The following ANP32B variants were observed in gnomAD, a reference collection of about 807,000 sequenced individuals.
The protein encoded by ANP32B is acidic nuclear phosphoprotein 32 family member B, also known as acidic leucine-rich nuclear phosphoprotein 32 family member B.
A neutral mutation model predicts 32.2 loss-of-function variants in ANP32B; 6 were observed. That is an observed-to-expected ratio of 0.19 (90% CI 0.10 to 0.37). The LOEUF is 0.37. ANP32B is among the 10% of genes least tolerant of loss of function. ANP32B has a pLI of 1.00. For missense variants in ANP32B, 204 were observed against 289.2 expected, an observed-to-expected ratio of 0.71 and a Z score of 2.14; for synonymous variants, 98 against 105.8, an observed-to-expected ratio of 0.93 and a Z score of 0.45.
At chr9:97,993,551 A>G (rs1827861530) in intron 1 of ANP32B, among the ~76,000 whole-genome samples, 1 of 152,248 alleles carries the variant, frequency 6.6e-6, no homozygotes, top group Non-Finnish European at 1.5e-5. Flanking sequence ...CAGGATGATC[A>G]TAGAGCAAGA....
chr9:98,011,219 C>A lies in ANP32B; in HGVS notation c.518-52C>A, dbSNP rs117725418. The stretch of plus-strand genomic sequence containing the variant: ...AGCCCACAGATCCTCAACACTTTGT[C>A]CCCTGTGGAGCGTCGAGGATATTTA... On this transcript the variant is annotated intron_variant, in intron 4 of 6. Transcript: ENST00000339399. 12,706 of 1,532,594 alleles carry A rather than the reference C, an allele frequency of 8.3e-3. 82 individuals carry two copies. Among genetic ancestry groups the A allele is most frequent in the Middle Eastern group, 0.018 (108 of 5,880 alleles). The allele number at this position is 1,532,594 out of a possible 1,614,324, so 94.9% of individuals were successfully genotyped here.
intron 1 of ANP32B, among the ~76,000 whole-genome samples, chr9:97,984,090 G>A (rs1271954798): frequency 6.7e-6 from 1 of 149,800 alleles, no homozygotes; most frequent in African/African-American, 2.4e-5. Context: ...CGGGACGGGG[G>A]CTCTTGTGGC....
chr9:97,985,275 C>G (rs886585691), intron 1 of ANP32B, among the ~76,000 whole-genome samples: 1 of 152,128 alleles, frequency 6.6e-6, no homozygotes, highest in Non-Finnish European at 1.5e-5. Flanking sequence ...ACCTGGTGTG[C>G]TCGACATTTT....
chr9:98,003,985 C>G (rs768008330), intron 3 of ANP32B, among the ~76,000 whole-genome samples: 2 of 152,220 alleles, frequency 1.3e-5, no homozygotes, highest in African/African-American at 2.4e-5. Flanking sequence ...GCTGTCACTT[C>G]CTGTTGCTGT....
At chr9:98,002,905 G>T (rs1828017088) in intron 3 of ANP32B, among the ~76,000 whole-genome samples, 1 of 152,206 alleles carries the variant, frequency 6.6e-6, no homozygotes, top group Non-Finnish European at 1.5e-5. Context: ...TTTAAGTGGA[G>T]AATTTTTAGA....
In ANP32B at chr9:98,010,284, T is replaced by G. The variant is rs1356103578; in HGVS notation, c.518-987T>G. On this transcript the variant is annotated intron_variant, in intron 4 of 6. Transcript: ENST00000339399. Reference sequence around the variant, plus strand: ...GGTGTTTTTTTTTTTTTGTTTTTTTTTTTTAAATCATAAATAGGCTAGGTA... The same window carrying G: ...GGTGTTTTTTTTTTTTTGTTTTTTTGTTTTAAATCATAAATAGGCTAGGTA... Among the ~76,000 whole-genome samples the G allele has an allele frequency of 4.0e-5, 6 of 151,624 alleles. No homozygotes were observed. The South Asian group carries it at 6.2e-4, about 16-fold the overall frequency.
intron 3 of ANP32B, among the ~76,000 whole-genome samples, chr9:98,003,634 GAAAAT>G (rs1828030582): frequency 6.6e-6 from 1 of 152,148 alleles, no homozygotes. Flanking sequence ...CTTGAGTTCT[GAAAAT>G]AAGGTTTTGT....
intron 2 of ANP32B, among the ~76,000 whole-genome samples, chr9:97,996,055 G>A (rs1827900533): frequency 6.6e-6 from 1 of 151,972 alleles, no homozygotes; most frequent in Non-Finnish European, 1.5e-5. Context: ...TGAGTTTCAG[G>A]TGACCGTTTC....
intron 4 of ANP32B, among the ~76,000 whole-genome samples, chr9:98,006,166 A>G (rs1564140510): frequency 6.7e-6 from 1 of 149,860 alleles, no homozygotes; most frequent in Non-Finnish European, 1.5e-5. Flanking sequence ...ACAGATTAAC[A>G]TTAGCAAAGA....
intron 3 of ANP32B, among the ~76,000 whole-genome samples, chr9:98,000,969 C>G (rs574467690): frequency 1.3e-5 from 2 of 151,670 alleles, no homozygotes; most frequent in Non-Finnish European, 2.9e-5. Flanking sequence ...TTCCATAGCC[C>G]TTGGGACCTC....
At chr9:97,990,297 T>C (rs1009711881) in intron 1 of ANP32B, among the ~76,000 whole-genome samples, 1 of 152,236 alleles carries the variant, frequency 6.6e-6, no homozygotes, top group Non-Finnish European at 1.5e-5. Context: ...TTTTCTGCCA[T>C]TGAAACAATA....
rs746979677 is a variant in ANP32B, at chr9:98,005,162, G to T, written c.517+9G>T. 1.2e-6 allele frequency: 2 copies of T among 1,611,166 alleles called. No homozygotes were observed. Among genetic ancestry groups the T allele is most frequent in the Non-Finnish European group, 1.7e-6 (2 of 1,178,762 alleles). On this transcript the variant is annotated intron_variant, in intron 4 of 6. Transcript: ENST00000339399. ...AGAGGAGGAGGACGAAGGTGAGTAG[G>T]CTCAGCATCTGGTGAACCTGATGTC... is the stretch of plus-strand genomic sequence containing the variant.
chr9:97,990,870 A>C (rs927497500), intron 1 of ANP32B, among the ~76,000 whole-genome samples: 4 of 123,210 alleles, frequency 3.2e-5, no homozygotes, highest in African/African-American at 1.3e-4. Context: ...CCCAGGCTGG[A>C]GTGCGGTGGC....
intron 4 of ANP32B, among the ~76,000 whole-genome samples, chr9:98,010,308 T>G (rs1828161921): frequency 1.4e-5 from 2 of 146,586 alleles, no homozygotes; most frequent in Admixed American, 6.9e-5. Flanking sequence ...ATAGGCTAGG[T>G]ATGGTGGCTC....
chr9:98,014,841 C>T (rs925533963), intron 6 of ANP32B, among the ~76,000 whole-genome samples: 2 of 152,204 alleles, frequency 1.3e-5, no homozygotes, highest in Non-Finnish European at 2.9e-5. Flanking sequence ...CAACCTCCGC[C>T]TTCCGGATTC....
chr9:98,014,370 T>C (rs1332106267), intron 6 of ANP32B, among the ~76,000 whole-genome samples: 1 of 151,448 alleles, frequency 6.6e-6, no homozygotes, highest in Non-Finnish European at 1.5e-5. Context: ...ATCAAGCCAC[T>C]GCACTCCAGC....
At chr9:97,992,024 A>G (rs1827833077) in intron 1 of ANP32B, among the ~76,000 whole-genome samples, 2 of 152,140 alleles carry the variant, frequency 1.3e-5, no homozygotes, top group African/African-American at 2.4e-5. Context: ...GCTCTTACAC[A>G]GTGATATAGT....
At chr9:97,995,324 G>GT (rs1178756505) in intron 2 of ANP32B, among the ~76,000 whole-genome samples, 1 of 152,158 alleles carries the variant, frequency 6.6e-6, no homozygotes, top group African/African-American at 2.4e-5. Context: ...CACAGAAGTG[G>GT]TTAGTACTAG....
intron 1 of ANP32B, 51 bp downstream of exon 1, chr9:97,983,660 T>TGGTGGCCCCGCA: frequency 2.1e-6 from 3 of 1,431,084 alleles, no homozygotes; most frequent in Non-Finnish European, 1.9e-6. Context: ...TTGCATGTAA[T>TGGTGGCCCCGCA]GGTGGCCACC....
Sources: allele counts gnomAD v4.1 joint callset (sites outside exome capture counted in the v4.1 genomes callset), GRCh38; gene constraint gnomAD v4.1.1; transcripts MANE v1.5; gene names NCBI Gene and HGNC (gene_info 2026-07-23, HGNC 2026-07-21).